Variants in BTBD10 observed in about 807,000 individuals in gnomAD.
BTBD10 encodes BTB/POZ domain-containing protein 10.
Under a neutral mutation model 53.2 loss-of-function variants are expected in BTBD10, and 21 were observed. The ratio of observed to expected loss-of-function variants is 0.39; its 90% confidence interval spans 0.28 to 0.57. BTBD10 has a LOEUF of 0.57. Ranked by LOEUF, BTBD10 falls within the 20% of genes least tolerant of loss-of-function variation. BTBD10 has a pLI of 0.53. For synonymous variants in BTBD10, 149 were observed against 192.7 expected (o/e 0.77, Z 1.88); for missense variants, 360 against 594.7 (o/e 0.61, Z 4.10).
intron 5 of BTBD10, 57 bp from the exon 6 acceptor site, chr11:13,413,707 CTTA>C: frequency 2.0e-6 from 3 of 1,492,278 alleles, no homozygotes; most frequent in Non-Finnish European, 2.7e-6. Flanking sequence ...GTAGCCAAAA[CTTA>C]TTATTAAGGA....
chr11:13,404,945 C>CT (rs1213143573), intron 7 of BTBD10, among the ~76,000 whole-genome samples: 22 of 152,096 alleles, frequency 1.4e-4, no homozygotes, highest in African/African-American at 4.8e-4. Context: ...AGTCAACAGA[C>CT]TATATAGTAC....
In BTBD10 at chr11:13,421,908, C is replaced by G. The variant is rs1950249518; in HGVS notation, c.102-70G>C. The G allele has an allele frequency of 3.1e-6, 4 of 1,279,738 alleles. 1 individual carries two copies. The allele number at this position is 1,279,738 out of a possible 1,614,324, so 79.3% of individuals were successfully genotyped here. On this transcript the variant is annotated intron_variant, in intron 2 of 8. Transcript: ENST00000278174. ...GATTGGAAACATTTTAAAAGAAACA[C>G]CCAAGTAACAAAAAACTAGTATCTT...
At chr11:13,451,292 C>T (rs145604159) in intron 1 of BTBD10, among the ~76,000 whole-genome samples, 81 of 152,166 alleles carry the variant, frequency 5.3e-4, no homozygotes, top group African/African-American at 1.8e-3. Flanking sequence ...GAATGTATTC[C>T]CCAACTGTAT....
chr11:13,460,778 G>A (rs1481938891), intron 1 of BTBD10, among the ~76,000 whole-genome samples: 1 of 152,156 alleles, frequency 6.6e-6, no homozygotes, highest in Non-Finnish European at 1.5e-5. Context: ...TCAATGCCTA[G>A]GAAGACAATG....
intron 2 of BTBD10, 116 bp downstream of exon 2, chr11:13,444,908 T>G (rs889825217): frequency 4.5e-4 from 277 of 618,822 alleles, no homozygotes; most frequent in Non-Finnish European, 6.6e-4. Context: ...ATTCACAACG[T>G]TTTGTAAAAC....
intron 5 of BTBD10, among the ~76,000 whole-genome samples, chr11:13,414,549 G>T (rs1234432974): frequency 6.6e-6 from 1 of 152,052 alleles, no homozygotes; most frequent in Non-Finnish European, 1.5e-5. Context: ...AGCTACTCGG[G>T]AGGCTGAGGC....
intron 1 of BTBD10, among the ~76,000 whole-genome samples, chr11:13,458,101 A>C (rs924545894): frequency 4.0e-5 from 6 of 148,844 alleles, no homozygotes; most frequent in African/African-American, 1.5e-4. Flanking sequence ...CAGAAGTTCA[A>C]GGTCAGCCTG....
intron 2 of BTBD10, among the ~76,000 whole-genome samples, chr11:13,437,250 G>T (rs924205257): frequency 6.6e-6 from 1 of 152,184 alleles, no homozygotes; most frequent in Non-Finnish European, 1.5e-5. Context: ...GGGTGAGGAA[G>T]AAGATGGGAA....
chr11:13,403,491 T>C (rs1294390554), intron 7 of BTBD10, among the ~76,000 whole-genome samples: 2 of 151,396 alleles, frequency 1.3e-5, no homozygotes, highest in Non-Finnish European at 2.9e-5. Flanking sequence ...AAGAAAAGCT[T>C]TGACAACCAA....
chr11:13,412,599 C>A (rs1447826174), intron 6 of BTBD10, among the ~76,000 whole-genome samples: 1 of 152,206 alleles, frequency 6.6e-6, no homozygotes, highest in Admixed American at 6.5e-5. Context: ...ACTCCAGAAA[C>A]CTCAGCTCTG....
intron 1 of BTBD10, among the ~76,000 whole-genome samples, chr11:13,454,936 G>A (rs1232362176): frequency 6.6e-6 from 1 of 152,126 alleles, no homozygotes; most frequent in African/African-American, 2.4e-5. Context: ...TAGAGACGGA[G>A]CTTTGCTCTT....
intron 8 of BTBD10, among the ~76,000 whole-genome samples, chr11:13,392,016 T>C (rs182232299): frequency 6.6e-6 from 1 of 152,306 alleles, no homozygotes; most frequent in Admixed American, 6.5e-5. Context: ...ACTTGCAGAT[T>C]TACCAACCTA....
At chr11:13,408,531 T>C (rs545591294) in intron 6 of BTBD10, among the ~76,000 whole-genome samples, 155 of 152,350 alleles carry the variant, frequency 1.0e-3, no homozygotes, top group African/African-American at 3.5e-3. Flanking sequence ...ACTTTAGACA[T>C]GTATACCCAA....
At chr11:13,431,937 C>T (rs1950455523) in intron 2 of BTBD10, among the ~76,000 whole-genome samples, 1 of 151,568 alleles carries the variant, frequency 6.6e-6, no homozygotes, top group Admixed American at 6.6e-5. Flanking sequence ...TTTTAAAATC[C>T]AACAGTACTG....
intron 8 of BTBD10, among the ~76,000 whole-genome samples, chr11:13,401,403 CATGTT>C (rs1949714096): frequency 1.3e-5 from 2 of 152,226 alleles, no homozygotes; most frequent in South Asian, 4.1e-4. Flanking sequence ...AACTAGACCA[CATGTT>C]AGGTATGCAA....
At chr11:13,451,015 C>A (rs1486997804) in intron 1 of BTBD10, among the ~76,000 whole-genome samples, 3 of 152,132 alleles carry the variant, frequency 2.0e-5, no homozygotes, top group African/African-American at 7.2e-5. Context: ...GGAAACCAGG[C>A]AGCCACACAG....
chr11:13,428,262 GCT>G (rs1254067609), intron 2 of BTBD10, among the ~76,000 whole-genome samples: 1 of 152,070 alleles, frequency 6.6e-6, no homozygotes, highest in African/African-American at 2.4e-5. Flanking sequence ...AGGTTGAATA[GCT>G]CTGTTTACTG....
intron 2 of BTBD10, among the ~76,000 whole-genome samples, chr11:13,424,079 G>A (rs1327980132): frequency 2.6e-5 from 4 of 152,100 alleles, no homozygotes; most frequent in African/African-American, 9.7e-5. Context: ...AGGAAAAAAA[G>A]GAATCCACAT....
chr11:13,410,156 T>G (rs1391520342), intron 6 of BTBD10, among the ~76,000 whole-genome samples: 5 of 151,870 alleles, frequency 3.3e-5, no homozygotes, highest in Non-Finnish European at 5.9e-5. Context: ...GAAATAAAAT[T>G]TAAAAAAAAT....
Sources: allele counts gnomAD v4.1 joint callset (sites outside exome capture counted in the v4.1 genomes callset), GRCh38; gene constraint gnomAD v4.1.1; transcripts MANE v1.5; gene names NCBI Gene and HGNC (gene_info 2026-07-23, HGNC 2026-07-21).